Variants in CCDC57 observed in about 807,000 individuals in gnomAD.
The protein encoded by CCDC57 is coiled-coil domain containing 57, also known as coiled-coil domain-containing protein 57.
CCDC57 carries 118 observed loss-of-function variants against 118.9 expected under a neutral mutation model. The observed-to-expected ratio is 0.99, with a 90% CI of 0.86 to 1.16. CCDC57 has a LOEUF of 1.16. Among genes scored for constraint, CCDC57 ranks in the 50% most tolerant of loss-of-function variants. The pLI is 0.00. For missense variants in CCDC57, 1,300 were observed against 1,320.7 expected, an observed-to-expected ratio of 0.98 and a Z score of 0.24; for synonymous variants, 527 against 532.9, an observed-to-expected ratio of 0.99 and a Z score of 0.15.
intron 19 of CCDC57, among the ~76,000 whole-genome samples, chr17:82,117,720 C>A (rs2036102939): frequency 6.7e-6 from 1 of 149,944 alleles, no homozygotes; most frequent in Admixed American, 6.7e-5. Flanking sequence ...AATGAAGTAT[C>A]AGTTTTGACT....
At chr17:82,161,721 T>C (rs1231985880) in intron 14 of CCDC57, among the ~76,000 whole-genome samples, 2 of 152,130 alleles carry the variant, frequency 1.3e-5, no homozygotes, top group African/African-American at 4.8e-5. Flanking sequence ...GTGGAATACT[T>C]ACTAGAAGCT....
rs2050265712 is a variant in CCDC57 at position 82,212,813 on chromosome 17, G to C, written c.-239C>G. The stretch of plus-strand genomic sequence containing the variant: ...AACGCCCGCCAGCAGCGCTGGCCAG[G>C]TCCCGCCGCGTTGCCACAGCGACCG... On this transcript the variant is annotated 5_prime_UTR_variant, in exon 1 of 20. Coordinates refer to ENST00000665763, the Ensembl canonical transcript of CCDC57. The surrounding 1 kb of genome is among the most constrained non-coding windows in gnomAD (Gnocchi z 4.1). 6.6e-6 allele frequency: 1 copy of C among 150,480 alleles called. No individual in the cohort carries two copies. The highest frequency in any genetic ancestry group is 1.5e-5 in the Non-Finnish European group (1 of 67,188). The allele number at this position is 150,480 out of a possible 1,614,324, so 9.3% of individuals were successfully genotyped here. A position where few individuals can be genotyped will look rare whatever the true frequency, so the allele number is the denominator to read the frequency against.
chr17:82,167,293 C>T (rs575184038), intron 13 of CCDC57, among the ~76,000 whole-genome samples: 1 of 151,260 alleles, frequency 6.6e-6, no homozygotes, highest in East Asian at 1.9e-4. Context: ...AAGAATAAAC[C>T]AAAGAAATCT....
chr17:82,107,664 AC>A, intron 19 of CCDC57: 1 of 458,922 alleles, frequency 2.2e-6, no homozygotes, highest in African/African-American at 2.0e-5. Context: ...TTGAAGAAAC[AC>A]CCCCTGCTGT....
At chr17:82,107,446 G>A in intron 19 of CCDC57, 1 of 469,862 alleles carries the variant, frequency 2.1e-6, no homozygotes, top group Non-Finnish European at 4.4e-6. Context: ...CTGCGCCTCC[G>A]TTTGACTCCA....
intron 15 of CCDC57, chr17:82,152,119 C>T (rs925928654): frequency 6.6e-6 from 2 of 303,874 alleles, no homozygotes; most frequent in Non-Finnish European, 1.3e-5. Flanking sequence ...AATCTGAGGA[C>T]ACCCAACCAG....
At chr17:82,144,903 G>A (rs2145651209) in intron 16 of CCDC57, among the ~76,000 whole-genome samples, 1 of 152,098 alleles carries the variant, frequency 6.6e-6, no homozygotes, top group South Asian at 2.1e-4. Flanking sequence ...AAATACAAGT[G>A]GCCCCACAGT....
intron 7 of CCDC57, 42 bp downstream of exon 6, chr17:82,193,714 G>T: frequency 6.5e-7 from 1 of 1,534,070 alleles, no homozygotes; most frequent in Non-Finnish European, 8.9e-7. Flanking sequence ...CTCTCCTGGG[G>T]CCACTGACAT....
chr17:82,161,504 A>G (rs1019057531), intron 14 of CCDC57, among the ~76,000 whole-genome samples: 11 of 152,170 alleles, frequency 7.2e-5, no homozygotes, highest in Admixed American at 7.2e-4. Flanking sequence ...AAACAACCCA[A>G]ATGTTGAGTG....
intron 19 of CCDC57, among the ~76,000 whole-genome samples, chr17:82,120,746 C>T (rs568008556): frequency 1.4e-4 from 21 of 152,160 alleles, no homozygotes; most frequent in African/African-American, 4.3e-4. Flanking sequence ...TATGCTGAAA[C>T]GTATCTTTCT....
chr17:82,138,696 A>AAGAGACGCGTGGCCTGCCCCGGGTCGGG (rs2039619017), intron 16 of CCDC57, among the ~76,000 whole-genome samples: 1 of 147,820 alleles, frequency 6.8e-6, no homozygotes, highest in Non-Finnish European at 1.5e-5. Context: ...CCCGGGTCGG[A>AAGAGACGCGTGGCCTGCCCCGGGTCGGG]AGAGACGCGT....
chr17:82,135,393 G>C (rs1345824843), intron 16 of CCDC57: 1 of 151,920 alleles, frequency 6.6e-6, no homozygotes, highest in African/African-American at 2.4e-5. Flanking sequence ...TGAGCCATGT[G>C]CCTGGTCAAA....
chr17:82,136,355 G>A (rs1453887761), intron 16 of CCDC57, among the ~76,000 whole-genome samples: 3 of 152,146 alleles, frequency 2.0e-5, no homozygotes, highest in African/African-American at 7.2e-5. Flanking sequence ...GTGGGATCCT[G>A]CTGAAGTGAA....
intron 19 of CCDC57, among the ~76,000 whole-genome samples, chr17:82,102,974 A>G (rs1304129803): frequency 6.6e-6 from 1 of 151,980 alleles, no homozygotes; most frequent in Non-Finnish European, 1.5e-5. Flanking sequence ...TGAGGTCTAG[A>G]GGACTCCAGC....
chr17:82,120,929 G>C (rs560403539), intron 19 of CCDC57, among the ~76,000 whole-genome samples: 2 of 152,196 alleles, frequency 1.3e-5, no homozygotes, highest in East Asian at 1.9e-4. Context: ...CTAATTTTTT[G>C]TATTTTTAGT....
intron 8 of CCDC57, among the ~76,000 whole-genome samples, chr17:82,186,378 G>A (rs529905768): frequency 1.3e-5 from 2 of 152,294 alleles, no homozygotes; most frequent in African/African-American, 2.4e-5. Context: ...GAGTGGTGAC[G>A]CCCAGTCACC....
At chr17:82,188,130 T>C in intron 8 of CCDC57, 89 bp downstream of exon 7, 1 of 1,145,358 alleles carries the variant, frequency 8.7e-7, no homozygotes, top group Non-Finnish European at 1.2e-6. Context: ...TGGCCCCCTT[T>C]CCTGTGGTCT....
chr17:82,144,829 G>A (rs553160899), intron 16 of CCDC57, among the ~76,000 whole-genome samples: 1 of 152,122 alleles, frequency 6.6e-6, no homozygotes, highest in South Asian at 2.1e-4. Context: ...TCCCTAATTT[G>A]TTCTTTTTCA....
intron 19 of CCDC57, among the ~76,000 whole-genome samples, chr17:82,120,074 C>T (rs1252241648): frequency 3.3e-5 from 5 of 152,068 alleles, no homozygotes; most frequent in East Asian, 1.9e-4. Context: ...TGTGTGACGT[C>T]GTGACTAAAC....
Sources: allele counts gnomAD v4.1 joint callset (sites outside exome capture counted in the v4.1 genomes callset), GRCh38; gene constraint gnomAD v4.1.1; non-coding constraint Gnocchi (gnomAD v3.1); transcripts MANE v1.5; gene names NCBI Gene and HGNC (gene_info 2026-07-23, HGNC 2026-07-21).